The following SLC4A3 variants were observed in gnomAD, a reference collection of about 807,000 sequenced individuals.
SLC4A3 encodes solute carrier family 4 member 3, also known as anion exchange protein 3.
SLC4A3 carries 47 observed loss-of-function variants against 114.2 expected under a neutral mutation model. That is an observed-to-expected ratio of 0.41 (90% CI 0.33 to 0.52). The LOEUF (loss-of-function observed/expected upper bound fraction) is 0.52, where lower values mean the gene tolerates loss of function less well. Ranked by LOEUF, SLC4A3 falls within the 20% of genes least tolerant of loss-of-function variation. The pLI is 0.21. For missense variants in SLC4A3, 1,312 were observed against 1,668.3 expected, an observed-to-expected ratio of 0.79 and a Z score of 3.72; for synonymous variants, 693 against 710.3, an observed-to-expected ratio of 0.98 and a Z score of 0.39.
In SLC4A3 at chr2:219,641,688, A is replaced by G. The variant is rs1304204763; in HGVS notation, c.3659A>G (p.Asp1220Gly). The G allele has an allele frequency of 6.2e-7, 1 of 1,613,850 alleles. No homozygotes were observed. The highest frequency in any genetic ancestry group is 8.5e-7 in the Non-Finnish European group (1 of 1,179,912). ...SEDAEPNFDE[D>G]GQDEYNELHM... ...GATGCTGAACCAAACTTCGATGAGG[A>G]TGGCCAGGATGAGTACAATGAGCTG... Residue 1220 changes from aspartate to glycine, a missense_variant, in exon 23 of 23, where the codon GAT becomes GGT. Transcript: ENST00000358055. This position sits in a 1 kb window ranked among gnomAD's most constrained non-coding sequence, Gnocchi z 4.0.
intron 12 of SLC4A3, among the ~76,000 whole-genome samples, 194 bp downstream of exon 12, chr2:219,634,798 C>T (rs1699060791): frequency 6.6e-6 from 1 of 152,074 alleles, no homozygotes; most frequent in Non-Finnish European, 1.5e-5. Flanking sequence ...GTGGGAGGGT[C>T]TGGTGACATA....
At position 219,632,221 on chromosome 2, in the gene SLC4A3, C is replaced by A. The variant is rs577020223; in HGVS notation, c.961-41C>A. ...TTGCCCCATCACGGTGTTCCCCACA[C>A]CTGTTGGCCCCTGGGCCCTCACCTT... On this transcript the variant is annotated intron_variant, in intron 7 of 22. Coordinates refer to ENST00000358055, the MANE Select transcript of SLC4A3 (RefSeq NM_005070.4). The A allele has an allele frequency of 3.7e-6, 6 of 1,613,034 alleles. No individual in the cohort carries two copies. In the South Asian group the frequency reaches 6.6e-5, roughly 18 times the overall value.
chr2:219,640,325 C>T (rs913093397), intron 20 of SLC4A3, 105 bp from the exon 21 acceptor site: 59 of 1,299,986 alleles, frequency 4.5e-5, no homozygotes, highest in Middle Eastern at 2.3e-4. Flanking sequence ...TCCATCCTCA[C>T]GGGGGCTGTC....
Position 219,636,660 on chromosome 2 carries a change from C to G in SLC4A3, c.2341-20C>G. The G allele has an allele frequency of 6.2e-7, 1 of 1,603,600 alleles. No homozygotes were observed. Among genetic ancestry groups the G allele is most frequent in the Non-Finnish European group, 8.5e-7 (1 of 1,174,120 alleles). The stretch of plus-strand genomic sequence containing the variant: ...AGGGCAGTCCACCTGTGGGTAACGA[C>G]CGCTCCTACCCCCACCTAGTTCTGC... On this transcript the variant is annotated intron_variant, in intron 15 of 22. Coordinates refer to ENST00000358055, the MANE Select transcript of SLC4A3 (RefSeq NM_005070.4). This position sits in a 1 kb window ranked among gnomAD's most constrained non-coding sequence, Gnocchi z 5.5.
In SLC4A3 at chr2:219,638,111, C is replaced by A; in HGVS notation, c.2767-53C>A. On this transcript the variant is annotated intron_variant, in intron 17 of 22. Coordinates refer to ENST00000358055, the MANE Select transcript of SLC4A3 (RefSeq NM_005070.4). This position sits in a 1 kb window ranked among gnomAD's most constrained non-coding sequence, Gnocchi z 7.5. ...CAGAGATGGCAAGCCCCGTGTTAGT[C>A]TGCTGACCTTGCCTCCACCTTTTGC... The A allele has an allele frequency of 7.0e-7, 1 of 1,418,730 alleles. No homozygotes were observed. The highest frequency in any genetic ancestry group is 9.8e-7 in the Non-Finnish European group (1 of 1,018,722). 87.9% of individuals were successfully genotyped at this position (1,418,730 alleles called of 1,614,324 possible).
chr2:219,636,175 G>T lies in SLC4A3; in HGVS notation c.2192-127G>T. 1 of 1,071,456 alleles carries T rather than the reference G, an allele frequency of 9.3e-7. No individual in the cohort carries two copies. Among genetic ancestry groups the T allele is most frequent in the Non-Finnish European group, 1.4e-6 (1 of 724,446 alleles). The allele number at this position is 1,071,456 out of a possible 1,614,324, so 66.4% of individuals were successfully genotyped here. ...GTTTGGGAGCAATGGGGTATGGAAG[G>T]GGCCCTGTGTGTCACTCTAAGGGGC... On this transcript the variant is annotated intron_variant, in intron 14 of 22. Transcript: ENST00000358055. The surrounding 1 kb of genome is among the most constrained non-coding windows in gnomAD (Gnocchi z 5.5).
intron 8 of SLC4A3, 28 bp from the exon 9 acceptor site, chr2:219,632,846 C>T (rs1272287792): frequency 1.2e-6 from 2 of 1,613,012 alleles, no homozygotes; most frequent in Middle Eastern, 1.7e-4. Flanking sequence ...TGGGACTGTG[C>T]CCTCTCTGTG....
chr2:219,628,098 T>TGG lies in SLC4A3; in HGVS notation c.51+55_51+56insGG, dbSNP rs1264247314. 1.0e-5 allele frequency: 14 copies of TGG among 1,404,880 alleles called. No individual in the cohort carries two copies. The highest frequency in any genetic ancestry group is 2.5e-5 in the Admixed American group (1 of 40,108). The allele number at this position is 1,404,880 out of a possible 1,614,324, so 87.0% of individuals were successfully genotyped here. ...GATGGGGGAGGAGAGGGGAGGGACC[T>TGG]TAGGGTGGGCAGAGGAGTCCTCTGG... On this transcript the variant is annotated intron_variant, in intron 2 of 22. Transcript: ENST00000358055. This position sits in a 1 kb window ranked among gnomAD's most constrained non-coding sequence, Gnocchi z 4.8.
At chr2:219,634,328 T>C (rs1025323705) in intron 11 of SLC4A3, 92 bp from the exon 12 acceptor site, 26 of 1,296,978 alleles carry the variant, frequency 2.0e-5, no homozygotes, top group Non-Finnish European at 2.6e-5. Flanking sequence ...TACAACCTGC[T>C]CAACTGTCCA....
In SLC4A3 at chr2:219,635,361, C is replaced by T. The variant is rs749112786; in HGVS notation, c.1837C>T (p.Pro613Ser). 40 of 1,614,070 alleles carry T rather than the reference C, an allele frequency of 2.5e-5. No individual in the cohort carries two copies. Among genetic ancestry groups the T allele is most frequent in the South Asian group, 1.1e-5 (1 of 91,092 alleles). ...CCTGGATGGCAGCATTGTGATCCCC[C>T]CGTCCGAGGTGGAGGGCCGTGACCT... is the stretch of plus-strand genomic sequence containing the variant. ...EFLDGSIVIP[P>S]SEVEGRDLLR... The change falls in exon 13 of 23, where the codon CCG (proline) becomes TCG (serine). Residue 613 changes from proline to serine, a missense_variant. Coordinates refer to ENST00000358055, the MANE Select transcript of SLC4A3 (RefSeq NM_005070.4).
In SLC4A3 at chr2:219,632,329, G is replaced by A; in HGVS notation, c.1028G>A (p.Arg343His). ...SQEPHWRETARWIKFEEDVEE... is the reference protein window; with the variant it reads ...SQEPHWRETAHWIKFEEDVEE... ...GAGCCCCACTGGCGGGAGACGGCCCGCTGGATCAAGTTTGAGGAGGACGTG... is the reference window on the plus strand; with the variant it reads ...GAGCCCCACTGGCGGGAGACGGCCCACTGGATCAAGTTTGAGGAGGACGTG... The change falls in exon 8 of 23, where the codon CGC becomes CAC. Residue 343 changes from arginine to histidine, a missense_variant. Arg to His is a conservative substitution (Grantham distance 29, BLOSUM62 0). Transcript: ENST00000358055. 1 of 1,614,050 alleles carries A rather than the reference G, an allele frequency of 6.2e-7. No individual in the cohort carries two copies. Among genetic ancestry groups the A allele is most frequent in the Non-Finnish European group, 8.5e-7 (1 of 1,180,012 alleles).
Position 219,627,975 on chromosome 2 carries a change from C to T in SLC4A3, c.-18C>T, listed in dbSNP as rs573113566. 2 of 1,601,266 alleles carry T rather than the reference C, an allele frequency of 1.2e-6. No individual in the cohort carries two copies. Among genetic ancestry groups the T allele is most frequent in the East Asian group, 2.3e-5 (1 of 43,426 alleles). On this transcript the variant is annotated 5_prime_UTR_variant, in exon 2 of 23. Coordinates refer to ENST00000358055, the MANE Select transcript of SLC4A3 (RefSeq NM_005070.4). The stretch of plus-strand genomic sequence containing the variant: ...GGTCCCCTAGTGAGCGAGAGCGTCC[C>T]CAGCCGCCTACCTGGCCATGGCCAA...
rs2106184980 is a variant in SLC4A3, at chr2:219,631,015, A to G, written c.811+663A>G. The G allele has an allele frequency of 6.4e-6, 4 of 623,158 alleles. No homozygotes were observed. Among genetic ancestry groups the G allele is most frequent in the Non-Finnish European group, 8.3e-6 (4 of 479,984 alleles). 38.6% of individuals were successfully genotyped at this position (623,158 alleles called of 1,614,324 possible). ...ACAGGGACAGGAACAATCCGATGGCAGCAGTAGCAGCAGGATGGGGGGTGG... is the reference window on the plus strand; with the variant it reads ...ACAGGGACAGGAACAATCCGATGGCGGCAGTAGCAGCAGGATGGGGGGTGG... On this transcript the variant is annotated intron_variant, in intron 6 of 22. Transcript: ENST00000358055. The surrounding 1 kb of genome is among the most constrained non-coding windows in gnomAD (Gnocchi z 6.3).
chr2:219,628,510 A>G lies in SLC4A3; in HGVS notation c.157A>G (p.Lys53Glu), dbSNP rs746783574. 1 of 1,613,716 alleles carries G rather than the reference A, an allele frequency of 6.2e-7. No individual in the cohort carries two copies. The highest frequency in any genetic ancestry group is 1.7e-5 in the Admixed American group (1 of 59,958). The change falls in exon 3 of 23, where the codon AAG becomes GAG. Residue 53 changes from lysine to glutamate, a missense_variant. Lys to Glu is a moderately conservative substitution (Grantham distance 56). Around this residue, in one of 4 missense-constraint regions of SLC4A3, gnomAD observed 236 missense variants for 212.1 expected, o/e 1.11. Coordinates refer to ENST00000358055, the MANE Select transcript of SLC4A3 (RefSeq NM_005070.4). This position sits in a 1 kb window ranked among gnomAD's most constrained non-coding sequence, Gnocchi z 4.8. The stretch of plus-strand genomic sequence containing the variant: ...GAGCAGGTTTGGGGACCTCATCAGC[A>G]AGCCCCCGGCCTGGGACCCCGAGAA... ...AVSRFGDLIS[K>E]PPAWDPEKPS... is the part of the protein sequence containing the mutation.
chr2:219,629,559 G>C (rs368575854), intron 4 of SLC4A3, 21 bp from the exon 5 acceptor site: 54 of 1,600,024 alleles, frequency 3.4e-5, no homozygotes, highest in Non-Finnish European at 4.4e-5. Flanking sequence ...CAAGGCCCCA[G>C]GGCACATTCT....
chr2:219,629,492 C>T (rs959766568), intron 4 of SLC4A3, 71 bp downstream of exon 4: 29 of 1,588,170 alleles, frequency 1.8e-5, no homozygotes, highest in East Asian at 6.7e-5. Context: ...GAGAGGAGTG[C>T]GTGTTGGGGG....
chr2:219,629,890 G>C (rs1369601605), intron 5 of SLC4A3, among the ~76,000 whole-genome samples, 195 bp downstream of exon 5: 2 of 142,922 alleles, frequency 1.4e-5, no homozygotes, highest in African/African-American at 2.5e-5. Context: ...CAAGGGGGGG[G>C]GGAGAAAAAC....
chr2:219,633,097 C>A, intron 9 of SLC4A3, 88 bp downstream of exon 9: 1 of 1,507,436 alleles, frequency 6.6e-7, no homozygotes. Context: ...CCAGCCTCTG[C>A]TTGAATGCCA....
Position 219,636,730 on chromosome 2 carries a change from T to C in SLC4A3, c.2391T>C (p.Gly797=). 1 of 1,613,978 alleles carries C rather than the reference T, an allele frequency of 6.2e-7. No individual in the cohort carries two copies. Among genetic ancestry groups the C allele is most frequent in the South Asian group, 1.1e-5 (1 of 91,076 alleles). Residue 797 remains glycine (G), a synonymous_variant, in exon 16 of 23, where the codon GGT becomes GGC. Coordinates refer to ENST00000358055, the MANE Select transcript of SLC4A3 (RefSeq NM_005070.4). This position sits in a 1 kb window ranked among gnomAD's most constrained non-coding sequence, Gnocchi z 5.5. The stretch of plus-strand genomic sequence containing the variant: ...ACCTCACTGGCCGGGTGTGGGTTGG[T>C]CTCTGGCTGGTGGTCTTCGTCCTTG... ...LEYLTGRVWV[G]LWLVVFVLAL...
Sources: gnomAD v4.1 joint callset for allele counts (sites outside exome capture counted in the v4.1 genomes callset) on GRCh38, gnomAD v4.1.1 for gene constraint, gnomAD v4.1.1 regional missense constraint, Gnocchi (gnomAD v3.1) non-coding constraint, MANE v1.5 for transcripts, NCBI Gene and HGNC (gene_info 2026-07-23, HGNC 2026-07-21) for gene names.